The following WASF1 variants were observed in gnomAD, a reference collection of about 807,000 sequenced individuals.
The protein encoded by WASF1 is actin-binding protein WASF1.
In WASF1, 7 loss-of-function variants were observed where a neutral mutation model predicts 50.5. The ratio of observed to expected loss-of-function variants is 0.14; its 90% CI spans 0.08 to 0.26. The LOEUF is 0.26. WASF1 is among the 10% of genes least tolerant of loss of function. The probability of loss-of-function intolerance (pLI) is 1.00; values close to 1 mark genes in which losing one functional copy is unlikely to be tolerated. For missense variants in WASF1, 470 were observed against 694.7 expected (o/e 0.68, Z 3.64); for synonymous variants, 205 against 244.0 (o/e 0.84, Z 1.49).
intron 2 of WASF1, among the ~76,000 whole-genome samples, chr6:110,169,725 G>A (rs552162547): frequency 5.6e-4 from 86 of 152,228 alleles, no homozygotes; most frequent in Non-Finnish European, 1.1e-3. Context: ...AGTGACTATT[G>A]TAAAAAAATT....
intron 5 of WASF1, among the ~76,000 whole-genome samples, chr6:110,111,700 G>A (rs1318977769): frequency 2.0e-5 from 3 of 152,096 alleles, no homozygotes; most frequent in African/African-American, 7.2e-5. Flanking sequence ...TATCCATACA[G>A]ACAGATCCAT....
chr6:110,138,096 G>A (rs772959747), intron 3 of WASF1, among the ~76,000 whole-genome samples: 3 of 152,238 alleles, frequency 2.0e-5, no homozygotes, highest in Non-Finnish European at 4.4e-5. Flanking sequence ...AGTGGCAAGG[G>A]GTGTGTAAGC....
chr6:110,165,974 A>G (rs1029589149), intron 2 of WASF1, among the ~76,000 whole-genome samples: 3 of 151,796 alleles, frequency 2.0e-5, no homozygotes, highest in African/African-American at 7.2e-5. Flanking sequence ...AGTCAAATAG[A>G]TAGGTACAGT....
At position 110,100,553 on chromosome 6, in the gene WASF1, G is replaced by A; in HGVS notation, c.1649C>T (p.Ser550Leu). The A allele has an allele frequency of 6.2e-7, 1 of 1,612,448 alleles. No homozygotes were observed. Among genetic ancestry groups the A allele is most frequent in the Non-Finnish European group, 8.5e-7 (1 of 1,179,332 alleles). The change falls in exon 11 of 11, where the codon TCA becomes TTA. Residue 550 changes from serine to leucine, a missense_variant. This residue lies in a region of WASF1 where 36 missense variants were observed against 90.7 expected (regional missense o/e 0.40). Transcript: ENST00000392589. ...CAACCAATCTACTTCATCAAATTCT[G>A]AATCATCTTCCGAATCACTATATTC... Reference protein sequence around the residue: ...AVEYSDSEDDSEFDEVDWLE With the variant: ...AVEYSDSEDDLEFDEVDWLE
chr6:110,170,198 C>A (rs140728539), intron 2 of WASF1, among the ~76,000 whole-genome samples: 45 of 152,072 alleles, frequency 3.0e-4, no homozygotes, highest in African/African-American at 1.1e-3. Context: ...CAATTAAAGT[C>A]AGAGCAGAAA....
intron 3 of WASF1, among the ~76,000 whole-genome samples, chr6:110,131,470 T>C (rs980742054): frequency 1.3e-5 from 2 of 152,200 alleles, no homozygotes; most frequent in Admixed American, 6.5e-5. Context: ...CTACATACTA[T>C]TCCATTGCTC....
chr6:110,176,201 T>C (rs1362948756), intron 2 of WASF1, among the ~76,000 whole-genome samples: 1 of 152,010 alleles, frequency 6.6e-6, no homozygotes, highest in Non-Finnish European at 1.5e-5. Context: ...ACTTCAGGGG[T>C]CATTTATTTT....
chr6:110,127,454 T>C lies in WASF1; in HGVS notation c.133+15A>G, dbSNP rs377291429. 258 of 1,552,242 alleles carry C rather than the reference T, an allele frequency of 1.7e-4. 1 individual carries two copies. The highest frequency in any genetic ancestry group is 6.0e-5 in the Non-Finnish European group (69 of 1,151,866). ...TTCTGGTTTGTGAGTATATTTTTAATTGATATATACTTACTTAGGCTACTT... is the reference window on the plus strand; with the variant it reads ...TTCTGGTTTGTGAGTATATTTTTAACTGATATATACTTACTTAGGCTACTT... On this transcript the variant is annotated intron_variant, in intron 4 of 10. Transcript: ENST00000392589.
At chr6:110,174,150 C>A (rs899044781) in intron 2 of WASF1, among the ~76,000 whole-genome samples, 1 of 152,150 alleles carries the variant, frequency 6.6e-6, no homozygotes, top group Non-Finnish European at 1.5e-5. Flanking sequence ...TAAGCTTTAA[C>A]TGTTTCACCT....
intron 7 of WASF1, among the ~76,000 whole-genome samples, chr6:110,106,610 C>A (rs1424678758): frequency 6.6e-6 from 1 of 152,188 alleles, no homozygotes; most frequent in Non-Finnish European, 1.5e-5. Flanking sequence ...AATATAATAA[C>A]CTCTCCAAAA....
At chr6:110,155,536 CTTTTTTTTTTTT>C (rs66645132) in intron 3 of WASF1, among the ~76,000 whole-genome samples, 2,511 of 46,160 alleles carry the variant, frequency 0.054, 208 homozygotes, top group African/African-American at 0.17. Context: ...AAAGTGCCTT[CTTTTTTTTTTTT>C]TTTTTTTTTT....
At chr6:110,144,935 G>A (rs561348251) in intron 3 of WASF1, among the ~76,000 whole-genome samples, 11,853 of 151,894 alleles carry the variant, frequency 0.078, 651 homozygotes, top group African/African-American at 0.17. Context: ...TTGACTTGGC[G>A]ATGCGGGCTC....
chr6:110,107,889 G>A (rs957810611), intron 6 of WASF1, among the ~76,000 whole-genome samples: 3 of 151,994 alleles, frequency 2.0e-5, no homozygotes, highest in African/African-American at 7.2e-5. Context: ...GAAACAGGCC[G>A]GGCGCAGTGG....
At chr6:110,174,400 T>C (rs1274376484) in intron 2 of WASF1, among the ~76,000 whole-genome samples, 1 of 152,194 alleles carries the variant, frequency 6.6e-6, no homozygotes, top group Non-Finnish European at 1.5e-5. Context: ...TATGTGCTGA[T>C]TATGAACTAT....
chr6:110,153,632 C>G (rs1775922124), intron 3 of WASF1, among the ~76,000 whole-genome samples: 1 of 152,014 alleles, frequency 6.6e-6, no homozygotes, highest in South Asian at 2.1e-4. Context: ...CAAGACTGGA[C>G]AAGGTGGCTC....
intron 4 of WASF1, among the ~76,000 whole-genome samples, chr6:110,120,468 C>A (rs912938188): frequency 1.3e-5 from 2 of 152,126 alleles, no homozygotes; most frequent in African/African-American, 2.4e-5. Context: ...ACCTAGGAAT[C>A]CAACTTACAA....
intron 3 of WASF1, among the ~76,000 whole-genome samples, chr6:110,150,834 G>C (rs1264678886): frequency 6.6e-6 from 1 of 151,974 alleles, no homozygotes; most frequent in Non-Finnish European, 1.5e-5. Context: ...TCAGGAGTTC[G>C]AGACCAGCCT....
intron 3 of WASF1, among the ~76,000 whole-genome samples, chr6:110,148,460 A>T (rs1052949964): frequency 3.3e-5 from 5 of 152,144 alleles, no homozygotes; most frequent in Non-Finnish European, 5.9e-5. Flanking sequence ...GAACAAAAGG[A>T]TTATTAGCTA....
intron 2 of WASF1, among the ~76,000 whole-genome samples, chr6:110,162,064 G>A (rs1776280892): frequency 6.6e-6 from 1 of 151,418 alleles, no homozygotes; most frequent in African/African-American, 2.4e-5. Flanking sequence ...TATATCTGAA[G>A]TACAAACTGG....
Sources: gnomAD v4.1 joint callset for allele counts (sites outside exome capture counted in the v4.1 genomes callset) on GRCh38, gnomAD v4.1.1 for gene constraint, gnomAD v4.1.1 regional missense constraint, MANE v1.5 for transcripts, NCBI Gene and HGNC (gene_info 2026-07-23, HGNC 2026-07-21) for gene names.